The following SLIT3 variants were observed in gnomAD, a reference collection of about 807,000 sequenced individuals.
SLIT3 encodes slit guidance ligand 3, also known as slit homolog 3 protein.
In SLIT3, 68 loss-of-function variants were observed where a neutral mutation model predicts 184.0. The observed-to-expected ratio is 0.37, with a 90% CI of 0.30 to 0.45. The LOEUF (loss-of-function observed/expected upper bound fraction) is 0.45. Ranked by LOEUF, SLIT3 falls within the 20% of genes least tolerant of loss-of-function variation. The pLI is 1.00. For synonymous variants in SLIT3, 831 were observed against 828.6 expected (o/e 1.00, Z -0.05); for missense variants, 1,707 against 2,026.0 (o/e 0.84, Z 3.02).
At chr5:168,754,153 C>T (rs1171303353) in intron 16 of SLIT3, 146 bp from the exon 17 acceptor site, 1 of 781,328 alleles carries the variant, frequency 1.3e-6, no homozygotes, top group East Asian at 2.7e-5. Flanking sequence ...CAGTCTGGGG[C>T]TCCCTGAACT....
chr5:169,279,708 G>T (rs925545962), intron 1 of SLIT3, among the ~76,000 whole-genome samples: 12 of 152,066 alleles, frequency 7.9e-5, no homozygotes, highest in African/African-American at 2.4e-4. Flanking sequence ...TGCACAAGAG[G>T]CAGAATGCTT....
At chr5:169,265,789 C>A (rs1407684643) in intron 1 of SLIT3, among the ~76,000 whole-genome samples, 2 of 152,174 alleles carry the variant, frequency 1.3e-5, no homozygotes. Flanking sequence ...CATCAATTGG[C>A]TGATTATTAT....
At chr5:168,873,727 C>T (rs956553201) in intron 5 of SLIT3, among the ~76,000 whole-genome samples, 3 of 152,058 alleles carry the variant, frequency 2.0e-5, no homozygotes, top group African/African-American at 7.2e-5. Context: ...CTGGACTCCT[C>T]ACTAGTATTT....
chr5:168,885,681 A>G (rs190886870), intron 4 of SLIT3, among the ~76,000 whole-genome samples: 1 of 152,304 alleles, frequency 6.6e-6, no homozygotes, highest in East Asian at 1.9e-4. Context: ...ACTTTTGGAA[A>G]ATGGTTGATG....
chr5:169,152,761 T>C (rs891090321), intron 4 of SLIT3, among the ~76,000 whole-genome samples: 2 of 152,152 alleles, frequency 1.3e-5, no homozygotes, highest in African/African-American at 4.8e-5. Context: ...ATATAGGGAA[T>C]AATTATTTCC....
At chr5:169,258,163 G>C (rs1581109932) in intron 1 of SLIT3, among the ~76,000 whole-genome samples, 1 of 152,122 alleles carries the variant, frequency 6.6e-6, no homozygotes, top group African/African-American at 2.4e-5. Flanking sequence ...CCAGGGAAGT[G>C]GGTAATGCTG....
Position 168,795,536 on chromosome 5 carries a change from G to T in SLIT3, c.978C>A (p.Ala326=). ...QNSIKAIPAG[A]FTQYKKLKRI... is the part of the protein sequence containing the mutation. ...GCTTCAGTTTCTTGTACTGGGTGAA[G>T]GCTCCTGCAGGGATGGCTTTGATGG... Residue 326 remains alanine, a synonymous_variant, in exon 10 of 36, where the codon GCC becomes GCA. Coordinates refer to ENST00000519560, the MANE Select transcript of SLIT3 (RefSeq NM_003062.4). 1 of 1,613,988 alleles carries T rather than the reference G, an allele frequency of 6.2e-7. No individual in the cohort carries two copies. Among genetic ancestry groups the T allele is most frequent in the South Asian group, 1.1e-5 (1 of 91,076 alleles).
At chr5:169,285,538 G>C (rs1338841039) in intron 1 of SLIT3, among the ~76,000 whole-genome samples, 1 of 152,180 alleles carries the variant, frequency 6.6e-6, no homozygotes, top group Non-Finnish European at 1.5e-5. Context: ...GGGCAAGCTT[G>C]TACTGTTCAG....
At chr5:168,761,100 T>G (rs1174615649) in intron 15 of SLIT3, among the ~76,000 whole-genome samples, 164 bp from the exon 16 acceptor site, 3 of 152,070 alleles carry the variant, frequency 2.0e-5, no homozygotes, top group Non-Finnish European at 2.9e-5. Context: ...GCCCAGCAGT[T>G]TGGGGAGGCA....
At chr5:169,210,898 C>T (rs1026860249) in intron 3 of SLIT3, among the ~76,000 whole-genome samples, 1 of 152,160 alleles carries the variant, frequency 6.6e-6, no homozygotes, top group East Asian at 1.9e-4. Context: ...TATATATTTC[C>T]ATGTTCCATT....
intron 4 of SLIT3, among the ~76,000 whole-genome samples, chr5:169,192,462 CAT>C (rs1458237479): frequency 7.3e-6 from 1 of 137,372 alleles, no homozygotes; most frequent in Non-Finnish European, 1.6e-5. Flanking sequence ...TGTGTATAGA[CAT>C]ATAGAAATAT....
At chr5:169,282,733 A>C (rs1767032745) in intron 1 of SLIT3, among the ~76,000 whole-genome samples, 1 of 152,236 alleles carries the variant, frequency 6.6e-6, no homozygotes, top group South Asian at 2.1e-4. Flanking sequence ...GTTCACCTTA[A>C]GAAAGGACAG....
At chr5:169,116,542 G>A (rs1349393805) in intron 4 of SLIT3, among the ~76,000 whole-genome samples, 2 of 152,198 alleles carry the variant, frequency 1.3e-5, no homozygotes, top group Non-Finnish European at 2.9e-5. Flanking sequence ...TTAATGACAG[G>A]AAGAGGACAT....
chr5:168,982,844 A>G (rs1278074933), intron 4 of SLIT3, among the ~76,000 whole-genome samples: 2 of 152,140 alleles, frequency 1.3e-5, no homozygotes, highest in Non-Finnish European at 2.9e-5. Flanking sequence ...GACTAAACTG[A>G]TGGAGGGTTA....
At chr5:168,860,498 A>T (rs556123222) in intron 5 of SLIT3, among the ~76,000 whole-genome samples, 11 of 151,996 alleles carry the variant, frequency 7.2e-5, no homozygotes, top group Non-Finnish European at 1.2e-4. Context: ...AATTTTCTCT[A>T]CTTTAAAATA....
intron 4 of SLIT3, among the ~76,000 whole-genome samples, chr5:169,027,990 T>C (rs544498457): frequency 5.3e-5 from 8 of 152,130 alleles, no homozygotes; most frequent in Non-Finnish European, 1.0e-4. Flanking sequence ...GTCACATTAC[T>C]GACCTGCTGG....
chr5:169,276,946 C>T (rs73805054), intron 1 of SLIT3, among the ~76,000 whole-genome samples: 5,496 of 152,182 alleles, frequency 0.036, 328 homozygotes, highest in African/African-American at 0.13. Context: ...TATTTTTAAG[C>T]GCACAGTTTA....
intron 4 of SLIT3, among the ~76,000 whole-genome samples, chr5:168,919,088 A>G (rs534121992): frequency 2.6e-5 from 4 of 152,096 alleles, no homozygotes; most frequent in East Asian, 1.9e-4. Flanking sequence ...GTGAAACCCC[A>G]TGTCTACTAA....
intron 26 of SLIT3, among the ~76,000 whole-genome samples, chr5:168,702,871 C>A (rs1440038639): frequency 6.6e-6 from 1 of 152,142 alleles, no homozygotes; most frequent in African/African-American, 2.4e-5. Context: ...AAGGTCAAGG[C>A]AAGACCTCTC....
Sources: allele counts gnomAD v4.1 joint callset (sites outside exome capture counted in the v4.1 genomes callset), GRCh38; gene constraint gnomAD v4.1.1; transcripts MANE v1.5; gene names NCBI Gene and HGNC (gene_info 2026-07-23, HGNC 2026-07-21).